RABGAP1L: variants seen among roughly 807,000 people sequenced by gnomAD.
RABGAP1L encodes the protein RAB GTPase activating protein 1 like, also known as rab GTPase-activating protein 1-like.
A neutral mutation model predicts 137.7 loss-of-function variants in RABGAP1L; 63 were observed. That is an observed-to-expected ratio of 0.46 (90% CI 0.37 to 0.56). RABGAP1L has a LOEUF of 0.56. Among genes scored for constraint, RABGAP1L ranks in the 20% least tolerant of loss-of-function variants. RABGAP1L has a pLI of 0.00. For missense variants in RABGAP1L, 1,095 were observed against 1,244.0 expected (o/e 0.88, Z 1.80); for synonymous variants, 431 against 433.7 (o/e 0.99, Z 0.08).
Position 174,859,577 on chromosome 1 carries a change from C to A in RABGAP1L, c.2340+47617C>A, listed in dbSNP as rs141049218. 5.7e-3 allele frequency among the ~76,000 whole-genome samples: 872 copies of A among 152,004 alleles called. 8 individuals carry two copies. The highest frequency in any genetic ancestry group is 0.02 in the African/African-American group (832 of 41,436). On this transcript the variant is annotated intron_variant, in intron 19 of 25. Coordinates refer to ENST00000681986, the MANE Select transcript of RABGAP1L (RefSeq NM_001366446.1). ...GTCCTTTGCAGGGACATGGATGGAGCTGGAGGCCATTATCCTTAACAAACT... is the reference window on the plus strand; with the variant it reads ...GTCCTTTGCAGGGACATGGATGGAGATGGAGGCCATTATCCTTAACAAACT...
intron 19 of RABGAP1L, among the ~76,000 whole-genome samples, chr1:174,886,012 AT>A (rs530537282): frequency 2.9e-3 from 394 of 135,852 alleles, no homozygotes; most frequent in South Asian, 0.012. Flanking sequence ...AGAGAAACCA[AT>A]TTTTTTTTTT....
intron 17 of RABGAP1L, among the ~76,000 whole-genome samples, chr1:174,747,994 A>G (rs1316364171): frequency 6.6e-6 from 1 of 152,066 alleles, no homozygotes; most frequent in East Asian, 1.9e-4. Flanking sequence ...GTAGTTTGCT[A>G]CTTGTAATAT....
chr1:174,539,862 C>A (rs920526692), intron 13 of RABGAP1L, among the ~76,000 whole-genome samples: 6 of 152,186 alleles, frequency 3.9e-5, no homozygotes, highest in Non-Finnish European at 8.8e-5. Flanking sequence ...ATTGAGGAAT[C>A]GCCACACTGT....
chr1:174,409,442 C>G (rs956510265), intron 13 of RABGAP1L, among the ~76,000 whole-genome samples: 1 of 152,024 alleles, frequency 6.6e-6, no homozygotes, highest in African/African-American at 2.4e-5. Flanking sequence ...TGTAACTGTA[C>G]AAATTGATTG....
At chr1:174,686,391 C>T (rs959329156) in intron 15 of RABGAP1L, among the ~76,000 whole-genome samples, 1 of 152,068 alleles carries the variant, frequency 6.6e-6, no homozygotes, top group African/African-American at 2.4e-5. Context: ...CTACATCTCA[C>T]CTTTTTGGGA....
At chr1:174,912,053 T>C (rs1401394759) in intron 19 of RABGAP1L, among the ~76,000 whole-genome samples, 1 of 152,212 alleles carries the variant, frequency 6.6e-6, no homozygotes, top group Non-Finnish European at 1.5e-5. Flanking sequence ...TGTCTATAAG[T>C]GGCTAGGATG....
At chr1:174,189,293 C>T (rs566521545) in intron 1 of RABGAP1L, among the ~76,000 whole-genome samples, 1 of 152,188 alleles carries the variant, frequency 6.6e-6, no homozygotes, top group Non-Finnish European at 1.5e-5. Flanking sequence ...GCGTGAGCCA[C>T]GACGCCCGGC....
chr1:174,933,497 A>G (rs143222711), intron 19 of RABGAP1L, among the ~76,000 whole-genome samples: 51 of 152,272 alleles, frequency 3.3e-4, no homozygotes, highest in African/African-American at 1.1e-3. Context: ...TGAATGACTG[A>G]AAAGTACTGA....
intron 13 of RABGAP1L, among the ~76,000 whole-genome samples, chr1:174,581,812 A>T (rs187963020): frequency 1.3e-5 from 2 of 152,178 alleles, no homozygotes; most frequent in African/African-American, 4.8e-5. Context: ...AGCAATGATG[A>T]TGGATTTGAG....
chr1:174,906,122 A>G (rs1659040746), intron 19 of RABGAP1L, among the ~76,000 whole-genome samples: 1 of 152,032 alleles, frequency 6.6e-6, no homozygotes, highest in Non-Finnish European at 1.5e-5. Context: ...GGTTTGAGCC[A>G]TTCTTCCACC....
chr1:174,399,221 C>T (rs1648249266), intron 13 of RABGAP1L, among the ~76,000 whole-genome samples: 1 of 151,914 alleles, frequency 6.6e-6, no homozygotes, highest in Non-Finnish European at 1.5e-5. Context: ...TGATTTTTTC[C>T]TTTCACTGTC....
At chr1:174,587,940 T>C (rs1255628274) in intron 13 of RABGAP1L, among the ~76,000 whole-genome samples, 4 of 152,354 alleles carry the variant, frequency 2.6e-5, no homozygotes, top group Non-Finnish European at 4.4e-5. Context: ...CTCGACTCAC[T>C]GCAACCTCCG....
intron 13 of RABGAP1L, among the ~76,000 whole-genome samples, chr1:174,588,742 C>A (rs1326711698): frequency 1.3e-5 from 2 of 152,068 alleles, no homozygotes; most frequent in East Asian, 1.9e-4. Flanking sequence ...AACATAATGT[C>A]TTTTAGTTCT....
intron 18 of RABGAP1L, among the ~76,000 whole-genome samples, chr1:174,804,430 C>T (rs934315905): frequency 1.2e-4 from 18 of 151,958 alleles, no homozygotes; most frequent in Admixed American, 1.0e-3. Flanking sequence ...ACCACCATGC[C>T]TGGCTTATTT....
chr1:174,175,594 CT>C (rs1665775055), intron 1 of RABGAP1L, among the ~76,000 whole-genome samples: 1 of 148,550 alleles, frequency 6.7e-6, no homozygotes, highest in South Asian at 2.1e-4. Context: ...TGAATAGGGA[CT>C]ACAGGCACGT....
At chr1:174,974,875 G>T (rs901954409) in intron 21 of RABGAP1L, among the ~76,000 whole-genome samples, 1 of 152,202 alleles carries the variant, frequency 6.6e-6, no homozygotes, top group Admixed American at 6.5e-5. Flanking sequence ...GACTGGGCTG[G>T]CCTGGCCCAT....
chr1:174,573,759 C>CA lies in RABGAP1L; in HGVS notation c.1711-63605dup, dbSNP rs77651711. On this transcript the variant is annotated intron_variant, in intron 13 of 25. Coordinates refer to ENST00000681986, the MANE Select transcript of RABGAP1L (RefSeq NM_001366446.1). ...AATTATCATAATAAACTATTGAATGCAAAAAAAAAAATAAAGTTGCTGAGA... is the reference window on the plus strand; with the variant it reads ...AATTATCATAATAAACTATTGAATGCAAAAAAAAAAAATAAAGTTGCTGAGA... Among the ~76,000 whole-genome samples the CA allele has an allele frequency of 5.8e-3, 849 of 146,024 alleles. 5 individuals carry two copies. Among genetic ancestry groups the CA allele is most frequent in the African/African-American group, 0.012 (498 of 40,750 alleles).
rs573888957 is a variant in RABGAP1L, at chr1:174,767,291, A to G, written c.2211+14937A>G. Reference sequence around the variant, plus strand: ...TTACAGAGCTTGACTCTTCATCGACATTAACAATATTGAGACTTTTGATCC... The same window carrying G: ...TTACAGAGCTTGACTCTTCATCGACGTTAACAATATTGAGACTTTTGATCC... On this transcript the variant is annotated intron_variant, in intron 18 of 25. Coordinates refer to ENST00000681986, the MANE Select transcript of RABGAP1L (RefSeq NM_001366446.1). Among the ~76,000 whole-genome samples, 12 of 152,316 alleles carry G rather than the reference A, an allele frequency of 7.9e-5. 1 individual carries two copies. In the South Asian group the frequency reaches 2.5e-3, roughly 32 times the overall value.
At chr1:174,469,256 G>A (rs1657636494) in intron 13 of RABGAP1L, among the ~76,000 whole-genome samples, 1 of 152,030 alleles carries the variant, frequency 6.6e-6, no homozygotes, top group Admixed American at 6.6e-5. Flanking sequence ...TGCTGACAAG[G>A]GAAATTATTT....
Sources: gnomAD v4.1 joint callset for allele counts (sites outside exome capture counted in the v4.1 genomes callset) on GRCh38, gnomAD v4.1.1 for gene constraint, MANE v1.5 for transcripts, NCBI Gene and HGNC (gene_info 2026-07-23, HGNC 2026-07-21) for gene names.